LRRC37A2: variants seen among roughly 807,000 people sequenced by gnomAD.
The protein encoded by LRRC37A2 is leucine-rich repeat-containing protein 37A2.
A neutral mutation model predicts 68.8 loss-of-function variants in LRRC37A2; 9 were observed. The observed-to-expected ratio is 0.13, with a 90% confidence interval of 0.08 to 0.23. LRRC37A2 has a LOEUF of 0.23. LRRC37A2 is among the 10% of genes least tolerant of loss of function. LRRC37A2 has a pLI of 1.00. For missense variants in LRRC37A2, 168 were observed against 950.4 expected (o/e 0.18, Z 10.82); for synonymous variants, 63 against 367.6 (o/e 0.17, Z 9.48).
chr17:46,984,215 C>T, the LRRC37A2 span: 1 of 152,030 alleles, frequency 6.6e-6, no homozygotes, highest in Non-Finnish European at 1.5e-5. Context: ...GGATCTTGTC[C>T]CAGGTCACAG....
the LRRC37A2 span, among the ~76,000 whole-genome samples, chr17:47,013,486 C>T: frequency 6.6e-6 from 1 of 152,214 alleles, no homozygotes; most frequent in Non-Finnish European, 1.5e-5. Context: ...ATTTCTGGTA[C>T]AACAAGAATC....
chr17:47,011,724 G>A, the LRRC37A2 span, among the ~76,000 whole-genome samples: 1 of 151,932 alleles, frequency 6.6e-6, no homozygotes, highest in Non-Finnish European at 1.5e-5. Flanking sequence ...AGTTTTCATG[G>A]CATTGGCCAT....
At chr17:46,767,185 C>A in the LRRC37A2 span, among the ~76,000 whole-genome samples, 2 of 152,122 alleles carry the variant, frequency 1.3e-5, no homozygotes, top group Non-Finnish European at 2.9e-5. Flanking sequence ...GAACCCAGGG[C>A]CAGTGCATAG....
the LRRC37A2 span, among the ~76,000 whole-genome samples, chr17:46,749,426 T>TC: frequency 6.6e-6 from 1 of 152,218 alleles, no homozygotes; most frequent in Admixed American, 6.5e-5. Context: ...TCATCTTTTT[T>TC]CCCCAATTCC....
chr17:46,948,495 TC>T, the LRRC37A2 span: 1 of 152,262 alleles, frequency 6.6e-6, no homozygotes. Context: ...GTGTTCTTCA[TC>T]AGAAGACCTG....
At chr17:46,887,112 C>T in the LRRC37A2 span, among the ~76,000 whole-genome samples, 8 of 152,094 alleles carry the variant, frequency 5.3e-5, no homozygotes, top group East Asian at 1.9e-4. Context: ...CCACTGTGCC[C>T]GGCCAGCAAG....
At chr17:46,861,174 C>T in the LRRC37A2 span, among the ~76,000 whole-genome samples, 2 of 152,246 alleles carry the variant, frequency 1.3e-5, no homozygotes, top group South Asian at 2.1e-4. Context: ...GACCCTGTGG[C>T]CCAGGCCCTG....
chr17:46,496,643 A>C, the LRRC37A2 span, among the ~76,000 whole-genome samples: 57,984 of 105,572 alleles, frequency 0.55, 16,292 homozygotes, highest in Middle Eastern at 0.71. Context: ...GGCCTGGTGC[A>C]GTGGCTCATG....
chr17:46,914,650 CAAAAAAAAAAAA>C, the LRRC37A2 span, among the ~76,000 whole-genome samples: 6 of 72,510 alleles, frequency 8.3e-5, no homozygotes, highest in African/African-American at 3.1e-4. Flanking sequence ...GACTCCACCT[CAAAAAAAAAAAA>C]AAAAAAAAAA....
chr17:46,545,918 TC>T (rs1377143362), intron 8 of LRRC37A2, among the ~76,000 whole-genome samples: 1 of 149,212 alleles, frequency 6.7e-6, no homozygotes, highest in African/African-American at 2.5e-5. Context: ...GGGGGCTTAT[TC>T]AGACTTCTTA....
At chr17:46,973,179 G>C in the LRRC37A2 span, 2 of 153,804 alleles carry the variant, frequency 1.3e-5, no homozygotes, top group East Asian at 4.0e-4. Flanking sequence ...CCGGATGAGG[G>C]CCATTTCTGC....
chr17:46,655,508 C>CA, the LRRC37A2 span, among the ~76,000 whole-genome samples: 1 of 60,702 alleles, frequency 1.6e-5, no homozygotes, highest in African/African-American at 8.4e-5. Flanking sequence ...ACAACTACCC[C>CA]TTTACCTTAC....
At chr17:46,884,681 C>T in the LRRC37A2 span, among the ~76,000 whole-genome samples, 1 of 152,198 alleles carries the variant, frequency 6.6e-6, no homozygotes, top group Non-Finnish European at 1.5e-5. Flanking sequence ...TATGACAACG[C>T]TCCAAGTTGG....
At chr17:46,878,075 CT>C in the LRRC37A2 span, among the ~76,000 whole-genome samples, 2 of 152,348 alleles carry the variant, frequency 1.3e-5, no homozygotes, top group East Asian at 3.9e-4. Context: ...CTGGGGGTTC[CT>C]GTTGCACATG....
chr17:46,949,438 C>G, the LRRC37A2 span: 1 of 152,188 alleles, frequency 6.6e-6, no homozygotes, highest in East Asian at 1.9e-4. Flanking sequence ...TGCCATACTC[C>G]TTTGGCCGTG....
At chr17:47,038,285 A>G in the LRRC37A2 span, among the ~76,000 whole-genome samples, 1 of 152,198 alleles carries the variant, frequency 6.6e-6, no homozygotes, top group African/African-American at 2.4e-5. Context: ...TGGGAAACAG[A>G]GTGAAAACCT....
At chr17:46,922,490 A>C in the LRRC37A2 span, among the ~76,000 whole-genome samples, 1 of 152,168 alleles carries the variant, frequency 6.6e-6, no homozygotes, top group African/African-American at 2.4e-5. Context: ...AATAATAAAA[A>C]ATAATAAAAT....
chr17:46,774,106 C>T, the LRRC37A2 span, among the ~76,000 whole-genome samples: 1 of 152,370 alleles, frequency 6.6e-6, no homozygotes, highest in Admixed American at 6.5e-5. Context: ...CAAGTCAGCC[C>T]TCTGGCTGCA....
the LRRC37A2 span, among the ~76,000 whole-genome samples, chr17:46,965,820 G>T: frequency 6.7e-6 from 1 of 149,990 alleles, no homozygotes; most frequent in Non-Finnish European, 1.5e-5. Context: ...TTGTAGAGGC[G>T]GGGTCTCATT....
Sources: gnomAD v4.1 joint callset for allele counts (sites outside exome capture counted in the v4.1 genomes callset) on GRCh38, gnomAD v4.1.1 for gene constraint, MANE v1.5 for transcripts, NCBI Gene and HGNC (gene_info 2026-07-23, HGNC 2026-07-21) for gene names.